Variants in SI observed in about 807,000 individuals in gnomAD.
The protein encoded by SI is sucrase-isomaltase, intestinal.
SI carries 235 observed loss-of-function variants against 253.3 expected under a neutral mutation model. The ratio of observed to expected loss-of-function variants is 0.93; its 90% confidence interval spans 0.83 to 1.03. The LOEUF (loss-of-function observed/expected upper bound fraction) is 1.03, where lower values mean the gene tolerates loss of function less well. SI is among the 50% of genes least tolerant of loss of function. The probability of loss-of-function intolerance (pLI) is 0.00; values close to 1 mark genes in which losing one functional copy is unlikely to be tolerated. For missense variants in SI, 2,442 were observed against 2,211.1 expected (o/e 1.10, Z -2.09); for synonymous variants, 819 against 712.0 (o/e 1.15, Z -2.39).
rs577694706 is a variant in SI at position 165,043,642 on chromosome 3, C to A, written c.1888-467G>T. Among the ~76,000 whole-genome samples, 3 of 151,982 alleles carry A rather than the reference C, an allele frequency of 2.0e-5. No individual in the cohort carries two copies. The East Asian group carries it at 5.8e-4, about 29-fold the overall frequency. ...ATTCTGAATAAAATTGAGCTTTGCC[C>A]GATGTGTACCCATGTAAGACTGCAT... On this transcript the variant is annotated intron_variant, in intron 16 of 47. Coordinates refer to ENST00000264382, the MANE Select transcript of SI (RefSeq NM_001041.4).
chr3:165,046,265 T>C (rs555332654), intron 16 of SI, among the ~76,000 whole-genome samples: 31 of 152,282 alleles, frequency 2.0e-4, no homozygotes, highest in African/African-American at 7.2e-4. Flanking sequence ...TACATTATTT[T>C]TGTTATGTAG....
At chr3:164,989,992 T>G (rs1717653928) in intron 44 of SI, among the ~76,000 whole-genome samples, 1 of 152,150 alleles carries the variant, frequency 6.6e-6, no homozygotes. Context: ...ACACCAGTGG[T>G]GGATGCGGGT....
chr3:165,049,532 A>T (rs1292001047), intron 14 of SI, among the ~76,000 whole-genome samples: 1 of 152,094 alleles, frequency 6.6e-6, no homozygotes, highest in Non-Finnish European at 1.5e-5. Context: ...AACCTTTAAC[A>T]ATATAGAAAT....
chr3:164,982,448 T>C, intron 46 of SI, 38 bp from the exon 47 acceptor site: 1 of 1,484,170 alleles, frequency 6.7e-7, no homozygotes, highest in Non-Finnish European at 9.4e-7. Flanking sequence ...AAACACTTTA[T>C]TTGCAAAAGC....
At chr3:165,047,666 A>G (rs1713194871) in intron 15 of SI, among the ~76,000 whole-genome samples, 1 of 151,962 alleles carries the variant, frequency 6.6e-6, no homozygotes, top group South Asian at 2.1e-4. Flanking sequence ...TCCACTCAAC[A>G]TTTGGTTTTG....
At chr3:165,053,714 T>C (rs908911768) in intron 13 of SI, among the ~76,000 whole-genome samples, 2 of 152,142 alleles carry the variant, frequency 1.3e-5, no homozygotes, top group Non-Finnish European at 1.5e-5. Context: ...TGCAACACTC[T>C]CTCTTTCTAT....
chr3:165,009,163 A>G lies in SI; in HGVS notation c.4179+116T>C, dbSNP rs1576882319. The stretch of plus-strand genomic sequence containing the variant: ...GTAAGAAAGTTCTGTGGGGGAAAAA[A>G]GTGGACTAGTTTTCAAATAAAATAT... On this transcript the variant is annotated intron_variant, in intron 35 of 47. Transcript: ENST00000264382. The G allele has an allele frequency of 1.9e-5, 14 of 730,650 alleles. No homozygotes were observed. The East Asian group carries it at 3.8e-4, about 20-fold the overall frequency. The allele number at this position is 730,650 out of a possible 1,614,324, so 45.3% of individuals were successfully genotyped here.
In SI at chr3:165,074,679, A is replaced by G. The variant is rs1714829877; in HGVS notation, c.119-12T>C. The G allele has an allele frequency of 1.9e-6, 3 of 1,601,856 alleles. No individual in the cohort carries two copies. Among genetic ancestry groups the G allele is most frequent in the Non-Finnish European group, 2.6e-6 (3 of 1,170,006 alleles). On this transcript the variant is annotated splice_polypyrimidine_tract_variant and intron_variant, in intron 2 of 47. Coordinates refer to ENST00000264382, the MANE Select transcript of SI (RefSeq NM_001041.4). ...AGAATCACTAATTTCTGGGGGAGGA[A>G]AAAACTCAATAAAATAAAACATGAC...
At chr3:165,062,177 A>G (rs889159969) in intron 9 of SI, among the ~76,000 whole-genome samples, 194 bp downstream of exon 9, 1 of 151,898 alleles carries the variant, frequency 6.6e-6, no homozygotes, top group Non-Finnish European at 1.5e-5. Context: ...AAACATAGAT[A>G]CTTGAGTATA....
chr3:165,020,682 TA>T (rs1329972233), intron 27 of SI, among the ~76,000 whole-genome samples: 2 of 151,526 alleles, frequency 1.3e-5, no homozygotes, highest in Non-Finnish European at 3.0e-5. Context: ...TTAAATTACA[TA>T]AAAGTATATT....
chr3:164,991,804 A>C (rs1717748146), intron 43 of SI, among the ~76,000 whole-genome samples: 1 of 152,074 alleles, frequency 6.6e-6, no homozygotes. Flanking sequence ...CACATGCCTA[A>C]AGTGTGTGGA....
chr3:164,998,665 T>C lies in SI; in HGVS notation c.4415A>G (p.Gln1472Arg). The C allele has an allele frequency of 6.2e-7, 1 of 1,610,706 alleles. No homozygotes were observed. The highest frequency in any genetic ancestry group is 8.5e-7 in the Non-Finnish European group (1 of 1,177,434). Reference sequence around the variant, plus strand: ...AATCCCTCTTTTTCCAGTTGTCTTCTGCAATGCACTAATATAGTAGAGAAG... The same window carrying C: ...AATCCCTCTTTTTCCAGTTGTCTTCCGCAATGCACTAATATAGTAGAGAAG... ...SQMKPTHDAL[Q>R]KTTGKRGIVI... Residue 1472 changes from glutamine (Q) to arginine (R), a missense_variant, in exon 38 of 48, where the codon CAG (glutamine) becomes CGG (arginine). Transcript: ENST00000264382.
chr3:165,052,948 A>G (rs142222023), intron 13 of SI, among the ~76,000 whole-genome samples: 111 of 151,132 alleles, frequency 7.3e-4, no homozygotes, highest in African/African-American at 2.5e-3. Flanking sequence ...TATATATTAA[A>G]TTATTCAGTT....
In SI at chr3:165,039,990, T is replaced by C; in HGVS notation, c.2160-19A>G. The C allele has an allele frequency of 6.3e-7, 1 of 1,576,160 alleles. No homozygotes were observed. Among genetic ancestry groups the C allele is most frequent in the Non-Finnish European group, 8.7e-7 (1 of 1,145,652 alleles). ...ATAAAACCTAAGAACAATGACAATG[T>C]TTAAAGTATAATAATGAAAAAATAA... On this transcript the variant is annotated intron_variant, in intron 18 of 47. Coordinates refer to ENST00000264382, the MANE Select transcript of SI (RefSeq NM_001041.4).
chr3:165,004,830 G>T (rs898073767), intron 37 of SI, among the ~76,000 whole-genome samples: 3 of 152,118 alleles, frequency 2.0e-5, no homozygotes, highest in African/African-American at 4.8e-5. Flanking sequence ...TGAGGGGAAA[G>T]CAAGTGTTAT....
At position 165,015,977 on chromosome 3, in the gene SI, T is replaced by A. The variant is rs1559990354; in HGVS notation, c.3863A>T (p.Glu1288Val). 1 of 1,610,976 alleles carries A rather than the reference T, an allele frequency of 6.2e-7. No individual in the cohort carries two copies. The highest frequency in any genetic ancestry group is 1.7e-5 in the Admixed American group (1 of 59,984). Residue 1288 changes from glutamate (E) to valine (V), a missense_variant, in exon 32 of 48, where the codon GAA becomes GTA. By Grantham distance (121) the Glu-to-Val change is moderately radical. Transcript: ENST00000264382. ...CAGGATAATAATGTATCTCATTCCTTCTCCTCTTATTTTGTCAACAAACTG... is the reference window on the plus strand; with the variant it reads ...CAGGATAATAATGTATCTCATTCCTACTCCTCTTATTTTGTCAACAAACTG... ...LPQFVDKIRG[E>V]GMRYIIILDP... is the part of the protein sequence containing the mutation.
At chr3:165,009,181 TA>T in intron 35 of SI, 97 bp downstream of exon 35, 2 of 835,082 alleles carry the variant, frequency 2.4e-6, no homozygotes, top group Non-Finnish European at 4.1e-6. Context: ...AGTTTTCAAA[TA>T]AAATATTTTG....
intron 9 of SI, among the ~76,000 whole-genome samples, chr3:165,060,885 G>A (rs899098729): frequency 6.9e-6 from 1 of 143,966 alleles, no homozygotes; most frequent in Non-Finnish European, 1.5e-5. Flanking sequence ...ATATATATAG[G>A]ATCCATGATT....
At chr3:165,007,034 C>T (rs1718546016) in intron 36 of SI, 80 bp from the exon 37 acceptor site, 2 of 1,018,292 alleles carry the variant, frequency 2.0e-6, no homozygotes, top group East Asian at 5.2e-5. Flanking sequence ...TTATGTATTC[C>T]TTGACAAAGA....
Sources: gnomAD v4.1 joint callset for allele counts (sites outside exome capture counted in the v4.1 genomes callset) on GRCh38, gnomAD v4.1.1 for gene constraint, MANE v1.5 for transcripts, NCBI Gene and HGNC (gene_info 2026-07-23, HGNC 2026-07-21) for gene names.